Variants in KCNH4 observed in about 807,000 individuals in gnomAD.
KCNH4 encodes the protein voltage-gated delayed rectifier potassium channel KCNH4.
KCNH4 carries 33 observed loss-of-function variants against 90.7 expected under a neutral mutation model. That is an observed-to-expected ratio of 0.36 (90% CI 0.28 to 0.49). KCNH4 has a LOEUF of 0.49. KCNH4 is among the 20% of genes least tolerant of loss of function. The pLI is 0.98. For missense variants in KCNH4, 1,044 were observed against 1,387.1 expected (o/e 0.75, Z 3.93); for synonymous variants, 551 against 581.7 (o/e 0.95, Z 0.76).
At position 42,169,528 on chromosome 17, in the gene KCNH4, G is replaced by A. The variant is rs768816145; in HGVS notation, c.1539C>T (p.Leu513=). The part of the protein sequence containing the change: ...RLPRPLKQRM[L]EYFQTTWAVN... Reference sequence around the variant, plus strand: ...CGGCCCACGTGGTCTGGAAGTATTCGAGCATGCGCTGCTTGAGCGGCCGCG... The same window carrying A: ...CGGCCCACGTGGTCTGGAAGTATTCAAGCATGCGCTGCTTGAGCGGCCGCG... The change falls in exon 9 of 17, where the codon CTC becomes CTT. Residue 513 remains leucine (L), a synonymous_variant. Coordinates refer to ENST00000264661, the MANE Select transcript of KCNH4 (RefSeq NM_012285.3). The A allele has an allele frequency of 6.8e-6, 11 of 1,613,418 alleles. No homozygotes were observed. Among genetic ancestry groups the A allele is most frequent in the East Asian group, 2.2e-5 (1 of 44,888 alleles).
At chr17:42,179,271 G>A (rs2079885482) in intron 1 of KCNH4, among the ~76,000 whole-genome samples, 1 of 152,206 alleles carries the variant, frequency 6.6e-6, no homozygotes, top group South Asian at 2.1e-4. Context: ...GACCCCAGGA[G>A]GTCATGCCAT....
At chr17:42,178,701 G>A in intron 2 of KCNH4, 92 bp downstream of exon 2, 1 of 1,239,628 alleles carries the variant, frequency 8.1e-7, no homozygotes, top group Non-Finnish European at 1.1e-6. Context: ...TGGCAGTGTG[G>A]GGACAAGCAC....
intron 9 of KCNH4, among the ~76,000 whole-genome samples, chr17:42,167,415 C>T (rs1209172811): frequency 1.3e-5 from 2 of 152,138 alleles, no homozygotes; most frequent in Non-Finnish European, 2.9e-5. Flanking sequence ...TACAAGCACG[C>T]ACCACTACGC....
rs1033447402 is a variant in KCNH4, at chr17:42,181,118, G to C, written c.-173C>G. 4 of 593,504 alleles carry C rather than the reference G, an allele frequency of 6.7e-6. No homozygotes were observed. The highest frequency in any genetic ancestry group is 2.1e-5 in the South Asian group (1 of 48,616). The allele number at this position is 593,504 out of a possible 1,614,324, so 36.8% of individuals were successfully genotyped here. A position where few individuals can be genotyped will look rare whatever the true frequency, so the allele number is the denominator to read the frequency against. The stretch of plus-strand genomic sequence containing the variant: ...CTCTGCTCCGAACCCCGTAGCTCTC[G>C]GCTCGGCTCAGCGCCGTTTCGGTCC... On this transcript the variant is annotated 5_prime_UTR_variant, in exon 1 of 17. Transcript: ENST00000264661.
chr17:42,163,358 A>C lies in KCNH4; in HGVS notation c.2478-24T>G. On this transcript the variant is annotated intron_variant, in intron 13 of 16. Coordinates refer to ENST00000264661, the MANE Select transcript of KCNH4 (RefSeq NM_012285.3). This position sits in a 1 kb window ranked among gnomAD's most constrained non-coding sequence, Gnocchi z 5.4. ...TCCTGGGAACAGGGCAGTGCTCATC[A>C]GCACCATGGGGTGAGGGTAAGGGCC... 1 of 1,558,004 alleles carries C rather than the reference A, an allele frequency of 6.4e-7. No homozygotes were observed. The highest frequency in any genetic ancestry group is 8.9e-7 in the Non-Finnish European group (1 of 1,129,716).
chr17:42,165,714 C>G (rs748525487), intron 10 of KCNH4, 21 bp from the exon 11 acceptor site: 24 of 1,613,388 alleles, frequency 1.5e-5, no homozygotes, highest in Non-Finnish European at 1.6e-5. Context: ...GGGATGGGGA[C>G]AGTCAGCTGG....
chr17:42,164,733 C>T (rs1305277909), intron 11 of KCNH4, among the ~76,000 whole-genome samples: 8 of 151,730 alleles, frequency 5.3e-5, no homozygotes, highest in African/African-American at 1.7e-4. Context: ...ACCCGGGAGG[C>T]GGAGGTTGCA....
At chr17:42,176,469 AC>A (rs2079862362) in intron 4 of KCNH4, among the ~76,000 whole-genome samples, 172 bp from the exon 5 acceptor site, 1 of 142,268 alleles carries the variant, frequency 7.0e-6, no homozygotes, top group South Asian at 2.2e-4. Context: ...CTGACACCTG[AC>A]ATTTTCTTCT....
At chr17:42,178,059 C>T (rs773200723) in intron 4 of KCNH4, 41 bp downstream of exon 4, 2 of 1,594,280 alleles carry the variant, frequency 1.3e-6, no homozygotes, top group Admixed American at 3.4e-5. Flanking sequence ...AGAATCAAGG[C>T]TGGAGGACTT....
rs1274841634 is a variant in KCNH4, at chr17:42,158,941, C to T, written c.*309+790G>A. Among the ~76,000 whole-genome samples the T allele has an allele frequency of 2.0e-5, 3 of 152,038 alleles. No individual in the cohort carries two copies. In the East Asian group the frequency reaches 5.8e-4, roughly 29 times the overall value. ...TCAAGCGATCCTCCCACCTCGGCCT[C>T]CCAAAGGGCTGGGATTATAGGCATG... On this transcript the variant is annotated intron_variant, in intron 16 of 16. Coordinates refer to ENST00000264661, the MANE Select transcript of KCNH4 (RefSeq NM_012285.3).
At chr17:42,161,591 C>G (rs1322988550) in intron 15 of KCNH4, among the ~76,000 whole-genome samples, 1 of 152,202 alleles carries the variant, frequency 6.6e-6, no homozygotes, top group African/African-American at 2.4e-5. Flanking sequence ...GTCCCCTGCC[C>G]CTGCATCTGC....
In KCNH4 at chr17:42,178,100, A is replaced by G. The variant is rs1222056771; in HGVS notation, c.585T>C (p.Asn195=). The change falls in exon 4 of 17, where the codon AAT becomes AAC. Residue 195 remains asparagine, a splice_region_variant and synonymous_variant. Coordinates refer to ENST00000264661, the MANE Select transcript of KCNH4 (RefSeq NM_012285.3). The part of the protein sequence containing the change: ...RRGQGGMKAN[N]NVFEPKPSVP... ...ATGTTGGGTTGGGGGTGGGACTCAC[A>G]TTATTGGCCTTCATGCCTCCCTGGC... is the stretch of plus-strand genomic sequence containing the variant. 6.2e-7 allele frequency: 1 copy of G among 1,613,450 alleles called. No individual in the cohort carries two copies. The highest frequency in any genetic ancestry group is 8.5e-7 in the Non-Finnish European group (1 of 1,179,704).
chr17:42,170,436 G>T, intron 7 of KCNH4, 135 bp from the exon 8 acceptor site: 1 of 699,566 alleles, frequency 1.4e-6, no homozygotes, highest in Non-Finnish European at 2.3e-6. Flanking sequence ...AGTGGCCTGG[G>T]CCTGTGTCTC....
Position 42,179,010 on chromosome 17 carries a change from C to G in KCNH4, c.93G>C (p.Leu31=). ...RFDGTHSNFL[L]ANAQGTRGFP... is the part of the protein sequence containing the mutation. Reference sequence around the variant, plus strand: ...AGCCCCGTGTGCCCTGTGCGTTGGCCAGCAGGAAGTTGCTGTCTGTGGGAA... The same window carrying G: ...AGCCCCGTGTGCCCTGTGCGTTGGCGAGCAGGAAGTTGCTGTCTGTGGGAA... Residue 31 remains leucine, a synonymous_variant, in exon 2 of 17, where the codon CTG becomes CTC. Coordinates refer to ENST00000264661, the MANE Select transcript of KCNH4 (RefSeq NM_012285.3). 1 of 1,613,240 alleles carries G rather than the reference C, an allele frequency of 6.2e-7. No homozygotes were observed. Among genetic ancestry groups the G allele is most frequent in the South Asian group, 1.1e-5 (1 of 91,074 alleles).
At chr17:42,164,768 C>T (rs572915118) in intron 11 of KCNH4, among the ~76,000 whole-genome samples, 93 of 151,506 alleles carry the variant, frequency 6.1e-4, no homozygotes, top group Middle Eastern at 3.4e-3. Flanking sequence ...CGCCACTACA[C>T]TCCAGGCTGG....
At chr17:42,165,416 T>C in intron 11 of KCNH4, 33 bp downstream of exon 11, 2 of 1,609,386 alleles carry the variant, frequency 1.2e-6, no homozygotes, top group Non-Finnish European at 1.7e-6. Context: ...GAAGGGACTC[T>C]GGAAGGATGG....
intron 11 of KCNH4, 117 bp downstream of exon 11, chr17:42,165,332 T>C: frequency 7.6e-7 from 1 of 1,321,284 alleles, no homozygotes; most frequent in Non-Finnish European, 1.1e-6. Flanking sequence ...GGAGGGTGCC[T>C]GGGCTTCAGG....
chr17:42,162,385 T>G (rs2079755139), intron 14 of KCNH4, 64 bp from the exon 15 acceptor site: 1 of 1,427,720 alleles, frequency 7.0e-7, no homozygotes, highest in Admixed American at 1.7e-5. Flanking sequence ...TAACTTGGGC[T>G]GGAATCCTCC....
intron 16 of KCNH4, among the ~76,000 whole-genome samples, chr17:42,158,600 AC>A (rs1430922800): frequency 7.0e-6 from 1 of 143,536 alleles, no homozygotes; most frequent in African/African-American, 2.6e-5. Context: ...CTTTGGGAGG[AC>A]GAGGCAGGCG....
Sources: gnomAD v4.1 joint callset for allele counts (sites outside exome capture counted in the v4.1 genomes callset) on GRCh38, gnomAD v4.1.1 for gene constraint, Gnocchi (gnomAD v3.1) non-coding constraint, MANE v1.5 for transcripts, NCBI Gene and HGNC (gene_info 2026-07-23, HGNC 2026-07-21) for gene names.